The following RAB31 variants were observed in gnomAD, a reference collection of about 807,000 sequenced individuals.
RAB31 encodes ras-related protein Rab-31.
In RAB31, 21 loss-of-function variants were observed where a neutral mutation model predicts 25.6. The observed-to-expected ratio is 0.82, with a 90% CI of 0.58 to 1.18. The LOEUF (loss-of-function observed/expected upper bound fraction) is 1.18. Among genes scored for constraint, RAB31 ranks in the 50% most tolerant of loss-of-function variants. The pLI is 0.00. For synonymous variants in RAB31, 87 were observed against 84.0 expected (o/e 1.04, Z -0.20); for missense variants, 196 against 250.1 (o/e 0.78, Z 1.46).
chr18:9,748,351 T>C (rs2068216035), intron 1 of RAB31, among the ~76,000 whole-genome samples: 1 of 151,108 alleles, frequency 6.6e-6, no homozygotes, highest in Admixed American at 6.6e-5. Flanking sequence ...CCCCAAATAA[T>C]AATAATTAGC....
In RAB31 at chr18:9,714,326, C is replaced by A. The variant is rs370099056; in HGVS notation, c.39+5882C>A. On this transcript the variant is annotated intron_variant, in intron 1 of 6. Coordinates refer to ENST00000578921, the MANE Select transcript of RAB31 (RefSeq NM_006868.4). ...GATCATCAGGCATTAGTTAGATTCT[C>A]ATGAGGAGCATGCAACTTAGATCCC... 3.9e-5 allele frequency among the ~76,000 whole-genome samples: 6 copies of A among 152,202 alleles called. No individual in the cohort carries two copies. In the East Asian group the frequency reaches 9.6e-4, roughly 24 times the overall value.
chr18:9,713,882 C>T (rs951981298), intron 1 of RAB31, among the ~76,000 whole-genome samples: 21 of 152,136 alleles, frequency 1.4e-4, no homozygotes, highest in African/African-American at 4.8e-4. Context: ...AGAGAGTGCT[C>T]GGTCTCTTTC....
intron 1 of RAB31, among the ~76,000 whole-genome samples, chr18:9,741,376 C>CAAAAA (rs71169903): frequency 6.4e-5 from 2 of 31,228 alleles, no homozygotes; most frequent in African/African-American, 1.9e-4. Flanking sequence ...AACTCCGTCT[C>CAAAAA]AAAAAAAAAA....
intron 1 of RAB31, among the ~76,000 whole-genome samples, chr18:9,729,014 T>A (rs969820227): frequency 1.3e-5 from 2 of 152,232 alleles, no homozygotes; most frequent in African/African-American, 2.4e-5. Context: ...ACTGGGTTGT[T>A]TTTGTTACTG....
At chr18:9,710,725 G>A (rs1422528776) in intron 1 of RAB31, among the ~76,000 whole-genome samples, 1 of 152,120 alleles carries the variant, frequency 6.6e-6, no homozygotes, top group African/African-American at 2.4e-5. Flanking sequence ...GGCGGTAGCG[G>A]CGCATGCTTG....
intron 1 of RAB31, among the ~76,000 whole-genome samples, chr18:9,713,086 C>T (rs2068026115): frequency 6.6e-6 from 1 of 152,204 alleles, no homozygotes; most frequent in South Asian, 2.1e-4. Flanking sequence ...TTTATACTCA[C>T]AGTAAGGCAG....
intron 6 of RAB31, among the ~76,000 whole-genome samples, chr18:9,855,570 G>A (rs920841571): frequency 6.6e-6 from 1 of 152,098 alleles, no homozygotes; most frequent in Admixed American, 6.5e-5. Flanking sequence ...TGAACCTTCC[G>A]GTAAATTCTG....
At chr18:9,793,010 A>T (rs920273453) in intron 3 of RAB31, among the ~76,000 whole-genome samples, 1 of 152,222 alleles carries the variant, frequency 6.6e-6, no homozygotes, top group Non-Finnish European at 1.5e-5. Context: ...ATGCCTTTAG[A>T]TTCAAAAAAG....
At chr18:9,837,329 A>C (rs1388789563) in intron 5 of RAB31, among the ~76,000 whole-genome samples, 4 of 152,252 alleles carry the variant, frequency 2.6e-5, no homozygotes, top group Non-Finnish European at 5.9e-5. Context: ...TAAATTCAAA[A>C]TGGAACAAGG....
At position 9,814,048 on chromosome 18, in the gene RAB31, G is replaced by A. The variant is rs1422772562; in HGVS notation, c.230G>A (p.Arg77Gln). Residue 77 changes from arginine to glutamine, a missense_variant, in exon 4 of 7, where the codon CGA (arginine) becomes CAA (glutamine). Physicochemically the swap from Arg to Gln is conservative, Grantham distance 43 (BLOSUM62 1). Coordinates refer to ENST00000578921, the MANE Select transcript of RAB31 (RefSeq NM_006868.4). ...RFHSLAPMYYRGSAAAVIVYD... is the reference protein window; with the variant it reads ...RFHSLAPMYYQGSAAAVIVYD... ...CATTCATTGGCTCCCATGTACTATC[G>A]AGGCTCAGCTGCAGCTGTTATCGTG... The A allele has an allele frequency of 3.8e-6, 6 of 1,595,118 alleles. No homozygotes were observed. The highest frequency in any genetic ancestry group is 1.3e-5 in the African/African-American group (1 of 74,654).
intron 1 of RAB31, among the ~76,000 whole-genome samples, chr18:9,728,568 C>T (rs1262670174): frequency 6.6e-6 from 1 of 152,152 alleles, no homozygotes; most frequent in Admixed American, 6.5e-5. Flanking sequence ...GACAGGGGCT[C>T]ATTCCATCAC....
At chr18:9,748,854 G>C (rs1019507217) in intron 1 of RAB31, among the ~76,000 whole-genome samples, 1 of 151,494 alleles carries the variant, frequency 6.6e-6, no homozygotes, top group Non-Finnish European at 1.5e-5. Context: ...TTGCACCACT[G>C]CACTCCAGCC....
chr18:9,854,964 A>G lies in RAB31; in HGVS notation c.491-4264A>G, dbSNP rs1052397334. On this transcript the variant is annotated intron_variant, in intron 6 of 6. Transcript: ENST00000578921. Reference sequence around the variant, plus strand: ...CACCAAACAAAAGATAACCAAGCCAAGTAAATACTGGAACTGGAATGAAAG... The same window carrying G: ...CACCAAACAAAAGATAACCAAGCCAGGTAAATACTGGAACTGGAATGAAAG... 5.3e-5 allele frequency among the ~76,000 whole-genome samples: 8 copies of G among 152,378 alleles called. 1 individual carries two copies. Among genetic ancestry groups the G allele is most frequent in the African/African-American group, 1.4e-4 (6 of 41,592 alleles).
intron 3 of RAB31, among the ~76,000 whole-genome samples, chr18:9,811,767 A>G (rs2068572437): frequency 2.0e-5 from 3 of 152,204 alleles, no homozygotes; most frequent in South Asian, 4.1e-4. Flanking sequence ...TAAATTAACC[A>G]CATAATAAAT....
intron 3 of RAB31, among the ~76,000 whole-genome samples, chr18:9,794,545 C>A (rs13381902): frequency 6.6e-6 from 1 of 151,898 alleles, no homozygotes; most frequent in Non-Finnish European, 1.5e-5. Context: ...GGCTGGGCAC[C>A]GTGGCTCATG....
chr18:9,713,548 G>T (rs2068028632), intron 1 of RAB31, among the ~76,000 whole-genome samples: 1 of 152,150 alleles, frequency 6.6e-6, no homozygotes, highest in Admixed American at 6.5e-5. Flanking sequence ...GGGTCCCTTT[G>T]TTCCTCCTTT....
intron 1 of RAB31, among the ~76,000 whole-genome samples, chr18:9,714,884 A>G (rs1210208779): frequency 6.6e-6 from 1 of 152,188 alleles, no homozygotes; most frequent in African/African-American, 2.4e-5. Flanking sequence ...GAACAGAAGT[A>G]GTGTGTTGTG....
chr18:9,783,168 A>G (rs2068413938), intron 2 of RAB31, among the ~76,000 whole-genome samples: 1 of 152,180 alleles, frequency 6.6e-6, no homozygotes. Flanking sequence ...GGAATTTCGC[A>G]GGTATCCATT....
chr18:9,859,589 T>TG lies in RAB31; in HGVS notation c.*264_*265insG. On this transcript the variant is annotated 3_prime_UTR_variant, in exon 7 of 7. Transcript: ENST00000578921. ...GGAGGGGATGTAGTTGCATTTTTGC[T>TG]AAAAAAAAAAAAAAACCTTTAAAAA... 1 of 207,382 alleles carries TG rather than the reference T, an allele frequency of 4.8e-6. No individual in the cohort carries two copies. Among genetic ancestry groups the TG allele is most frequent in the South Asian group, 1.6e-4 (1 of 6,340 alleles). The allele number at this position is 207,382 out of a possible 1,614,324, so 12.8% of individuals were successfully genotyped here.
Sources: gnomAD v4.1 joint callset for allele counts (sites outside exome capture counted in the v4.1 genomes callset) on GRCh38, gnomAD v4.1.1 for gene constraint, MANE v1.5 for transcripts, NCBI Gene and HGNC (gene_info 2026-07-23, HGNC 2026-07-21) for gene names.